The following NUP37 variants were observed in gnomAD, a reference collection of about 807,000 sequenced individuals.
NUP37 encodes nucleoporin 37.
NUP37 carries 33 observed loss-of-function variants against 45.4 expected under a neutral mutation model. The ratio of observed to expected loss-of-function variants is 0.73; its 90% CI spans 0.55 to 0.97. NUP37 has a LOEUF of 0.97. NUP37 is among the 50% of genes least tolerant of loss of function. NUP37 has a pLI of 0.00. For synonymous variants in NUP37, 127 were observed against 130.7 expected, an observed-to-expected ratio of 0.97 and a Z score of 0.19; for missense variants, 365 against 389.7, an observed-to-expected ratio of 0.94 and a Z score of 0.53.
At chr12:102,117,262 T>C (rs1041681907) in intron 2 of NUP37, among the ~76,000 whole-genome samples, 3 of 152,034 alleles carry the variant, frequency 2.0e-5, no homozygotes, top group Non-Finnish European at 4.4e-5. Flanking sequence ...GAGACCAGTC[T>C]GGCCAACATC....
chr12:102,099,294 T>G, intron 4 of NUP37, 94 bp from the exon 5 acceptor site: 1 of 784,454 alleles, frequency 1.3e-6, no homozygotes, highest in Non-Finnish European at 2.2e-6. Flanking sequence ...CCTTAAAAGC[T>G]TTCACTGCCT....
At chr12:102,110,393 TGGGAGGCGGAGGTGAGAGGGAGGGTTGAG>T (rs1213063770) in intron 3 of NUP37, among the ~76,000 whole-genome samples, 2 of 149,998 alleles carry the variant, frequency 1.3e-5, no homozygotes, top group Non-Finnish European at 3.0e-5. Flanking sequence ...TCCAGCTACT[TGGGAGGCGGAGGTGAGAGGGAGGGTTGAG>T]GCTGAGCCAA....
intron 8 of NUP37, 72 bp downstream of exon 8, chr12:102,076,725 C>A: frequency 7.8e-7 from 1 of 1,283,490 alleles, no homozygotes; most frequent in South Asian, 1.3e-5. Flanking sequence ...AAGAGAACTA[C>A]AAAAGTATCC....
chr12:102,088,856 C>T (rs1038845310), intron 5 of NUP37, among the ~76,000 whole-genome samples: 105 of 151,050 alleles, frequency 7.0e-4, no homozygotes, highest in Non-Finnish European at 1.1e-3. Flanking sequence ...GAGGTCCCTG[C>T]GGCCTTCCGC....
intron 6 of NUP37, among the ~76,000 whole-genome samples, chr12:102,083,813 G>A (rs1420707564): frequency 6.6e-6 from 1 of 152,200 alleles, no homozygotes; most frequent in Non-Finnish European, 1.5e-5. Context: ...TTTCAAGAAG[G>A]AGGTGATCAG....
In NUP37 at chr12:102,074,340, G is replaced by C; in HGVS notation, c.*14C>G. The C allele has an allele frequency of 6.7e-7, 1 of 1,490,094 alleles. No homozygotes were observed. Among genetic ancestry groups the C allele is most frequent in the Non-Finnish European group, 9.3e-7 (1 of 1,074,054 alleles). 92.3% of individuals were successfully genotyped at this position (1,490,094 alleles called of 1,614,324 possible). A position where few individuals can be genotyped will look rare whatever the true frequency, so the allele number is the denominator to read the frequency against. On this transcript the variant is annotated 3_prime_UTR_variant, in exon 10 of 10. Transcript: ENST00000552283. ...AAAATACAAAGTTTGTGAATCTAAGGTACAGAAAACACTTTATACTTCAGT... is the reference window on the plus strand; with the variant it reads ...AAAATACAAAGTTTGTGAATCTAAGCTACAGAAAACACTTTATACTTCAGT...
At chr12:102,095,226 CTT>C (rs1401800074) in intron 5 of NUP37, among the ~76,000 whole-genome samples, 2 of 152,076 alleles carry the variant, frequency 1.3e-5, no homozygotes, top group Non-Finnish European at 2.9e-5. Flanking sequence ...TTAAATGACA[CTT>C]TTACCTTCTT....
At chr12:102,081,816 C>G (rs1300863092) in intron 6 of NUP37, among the ~76,000 whole-genome samples, 1 of 151,960 alleles carries the variant, frequency 6.6e-6, no homozygotes, top group African/African-American at 2.4e-5. Context: ...ACCTGAGCCT[C>G]CAGAGTAGCT....
chr12:102,110,515 T>TAA (rs201584832), intron 3 of NUP37, among the ~76,000 whole-genome samples: 1 of 127,898 alleles, frequency 7.8e-6, no homozygotes, highest in Non-Finnish European at 1.7e-5. Context: ...ACCAAAAAAA[T>TAA]AAAAAAAAAA....
intron 3 of NUP37, among the ~76,000 whole-genome samples, chr12:102,109,597 G>A (rs1443022782): frequency 1.3e-5 from 2 of 151,922 alleles, no homozygotes; most frequent in Admixed American, 6.6e-5. Flanking sequence ...GTGCCTTCAG[G>A]TTGCTCTAAA....
At position 102,074,131 on chromosome 12, in the gene NUP37, T is replaced by C. The variant is rs1879101987; in HGVS notation, c.*223A>G. 7.3e-6 allele frequency: 2 copies of C among 272,516 alleles called. No individual in the cohort carries two copies. The highest frequency in any genetic ancestry group is 1.3e-4 in the East Asian group (2 of 15,380). 16.9% of individuals were successfully genotyped at this position (272,516 alleles called of 1,614,324 possible). A position where few individuals can be genotyped will look rare whatever the true frequency, so the allele number is the denominator to read the frequency against. On this transcript the variant is annotated 3_prime_UTR_variant, in exon 10 of 10. Coordinates refer to ENST00000552283, the MANE Select transcript of NUP37 (RefSeq NM_024057.4). ...CTGGAGGTGAGCTGCTGAGTCAATA[T>C]GATTTTGTAAGATTAAAAATATATA... is the stretch of plus-strand genomic sequence containing the variant.
chr12:102,077,352 T>C lies in NUP37; in HGVS notation c.692A>G (p.Asp231Gly). 6.2e-7 allele frequency: 1 copy of C among 1,614,090 alleles called. No individual in the cohort carries two copies. The highest frequency in any genetic ancestry group is 8.5e-7 in the Non-Finnish European group (1 of 1,179,998). The change falls in exon 7 of 10, where the codon GAT becomes GGT. Residue 231 changes from aspartate to glycine, a missense_variant. Coordinates refer to ENST00000552283, the MANE Select transcript of NUP37 (RefSeq NM_024057.4). ...CCGAGTAATATCCCAAATTAACCAA[T>C]CATTTCCTGCAACGGCTCCAACTTT... The part of the protein sequence containing the change: ...TFKVGAVAGN[D>G]WLIWDITRSS...
chr12:102,118,589 G>A lies in NUP37; in HGVS notation c.-65-6C>T. On this transcript the variant is annotated splice_polypyrimidine_tract_variant and splice_region_variant and intron_variant, in intron 1 of 9. Coordinates refer to ENST00000552283, the MANE Select transcript of NUP37 (RefSeq NM_024057.4). ...TACTGGACAAGGTCACGAAACTGTG[G>A]ATTAGAGCACAGGTACAATTACAAT... The A allele has an allele frequency of 7.2e-7, 1 of 1,381,408 alleles. No homozygotes were observed. The highest frequency in any genetic ancestry group is 2.3e-5 in the East Asian group (1 of 43,428). 85.6% of individuals were successfully genotyped at this position (1,381,408 alleles called of 1,614,324 possible).
At chr12:102,112,330 G>T in intron 2 of NUP37, 98 bp from the exon 3 acceptor site, 1 of 1,020,106 alleles carries the variant, frequency 9.8e-7, no homozygotes, top group Non-Finnish European at 1.4e-6. Context: ...TTATGCTTAT[G>T]CTTTTGAAAA....
chr12:102,083,587 G>GT (rs1428801245), intron 6 of NUP37, among the ~76,000 whole-genome samples: 1 of 152,084 alleles, frequency 6.6e-6, no homozygotes, highest in Admixed American at 6.6e-5. Context: ...GTATTTACAT[G>GT]TTTTTTCTCC....
chr12:102,085,257 C>A (rs1436117492), intron 6 of NUP37, among the ~76,000 whole-genome samples: 2 of 151,564 alleles, frequency 1.3e-5, no homozygotes, highest in Admixed American at 6.6e-5. Context: ...TCAGCCCTAC[C>A]AAAAATACAA....
chr12:102,089,986 A>T (rs1443881804), intron 5 of NUP37, among the ~76,000 whole-genome samples: 1 of 152,154 alleles, frequency 6.6e-6, no homozygotes, highest in Non-Finnish European at 1.5e-5. Context: ...CCTGCTGGGT[A>T]CATACCTAGG....
chr12:102,094,739 A>G (rs1399402364), intron 5 of NUP37, among the ~76,000 whole-genome samples: 1 of 152,092 alleles, frequency 6.6e-6, no homozygotes, highest in Non-Finnish European at 1.5e-5. Context: ...CTAATATCTT[A>G]TTCTTTATTT....
chr12:102,075,698 T>C (rs1400619979), intron 8 of NUP37, among the ~76,000 whole-genome samples: 1 of 152,082 alleles, frequency 6.6e-6, no homozygotes, highest in Non-Finnish European at 1.5e-5. Flanking sequence ...GGGGTAATAG[T>C]GTGGTAGAAG....
Sources: gnomAD v4.1 joint callset for allele counts (sites outside exome capture counted in the v4.1 genomes callset) on GRCh38, gnomAD v4.1.1 for gene constraint, MANE v1.5 for transcripts, NCBI Gene and HGNC (gene_info 2026-07-23, HGNC 2026-07-21) for gene names.